The following ACTN2 variants were observed in gnomAD, a reference collection of about 807,000 sequenced individuals.
ACTN2 encodes actinin alpha 2, also known as alpha-actinin-2.
Under a neutral mutation model 113.8 loss-of-function variants are expected in ACTN2, and 39 were observed. The observed-to-expected ratio is 0.34, with a 90% confidence interval of 0.27 to 0.45. ACTN2 has a LOEUF of 0.45. Among genes scored for constraint, ACTN2 ranks in the 20% least tolerant of loss-of-function variants. ACTN2 has a pLI of 1.00. For missense variants in ACTN2, 992 were observed against 1,177.9 expected, an observed-to-expected ratio of 0.84 and a Z score of 2.31; for synonymous variants, 429 against 444.1, an observed-to-expected ratio of 0.97 and a Z score of 0.43.
At chr1:236,719,118 G>A in intron 3 of ACTN2, 105 bp downstream of exon 3, 1 of 1,508,600 alleles carries the variant, frequency 6.6e-7, no homozygotes. Flanking sequence ...ACCATTTACT[G>A]TACCTGCCTT....
intron 1 of ACTN2, among the ~76,000 whole-genome samples, chr1:236,690,589 A>G (rs1666044869): frequency 1.3e-5 from 2 of 152,198 alleles, no homozygotes. Flanking sequence ...AAACTGTTTT[A>G]TGGTGAAGCG....
intron 6 of ACTN2, among the ~76,000 whole-genome samples, chr1:236,728,236 C>T (rs6701949): frequency 2.3e-4 from 34 of 150,658 alleles, no homozygotes; most frequent in African/African-American, 7.8e-4. Flanking sequence ...CTCCGCCTCC[C>T]GGGTTCATGC....
intron 1 of ACTN2, among the ~76,000 whole-genome samples, chr1:236,701,758 T>C (rs566628469): frequency 6.6e-6 from 1 of 152,356 alleles, no homozygotes; most frequent in Non-Finnish European, 1.5e-5. Flanking sequence ...TTTGACAGTA[T>C]GTCTTTTCTG....
At position 236,758,868 on chromosome 1, in the gene ACTN2, G is replaced by T. The variant is rs146785556; in HGVS notation, c.2302-856G>T. On this transcript the variant is annotated intron_variant, in intron 18 of 20. Transcript: ENST00000366578. ...ACTCCTGACCTCAGGTGATCCATCT[G>T]CCTCAGCCTCCCAAAGTGCTGAGCT... Among the ~76,000 whole-genome samples, 410 of 152,154 alleles carry T rather than the reference G, an allele frequency of 2.7e-3. 3 individuals carry two copies. Among genetic ancestry groups the T allele is most frequent in the African/African-American group, 9.3e-3 (387 of 41,518 alleles).
rs751444674 is a variant in ACTN2, at chr1:236,754,486, C to A, written c.1974+405C>A. ...TCAGGGACAGTGGTCTTTAAGTAAC[C>A]CTGTTGTCCTTTGATCACCAAGAAC... On this transcript the variant is annotated intron_variant, in intron 16 of 20. Transcript: ENST00000366578. The surrounding 1 kb of genome is among the most constrained non-coding windows in gnomAD (Gnocchi z 4.9). Among the ~76,000 whole-genome samples, 2 of 152,204 alleles carry A rather than the reference C, an allele frequency of 1.3e-5. No homozygotes were observed. The highest frequency in any genetic ancestry group is 2.9e-5 in the Non-Finnish European group (2 of 68,034).
intron 6 of ACTN2, among the ~76,000 whole-genome samples, chr1:236,729,310 C>A (rs1026339482): frequency 6.6e-6 from 1 of 151,940 alleles, no homozygotes; most frequent in Non-Finnish European, 1.5e-5. Flanking sequence ...GGCGACAGAG[C>A]GAGACTCAGT....
chr1:236,761,441 G>T (rs930250824), intron 20 of ACTN2, among the ~76,000 whole-genome samples: 1 of 150,700 alleles, frequency 6.6e-6, no homozygotes, highest in African/African-American at 2.4e-5. Flanking sequence ...GCGTGTGTGT[G>T]TGTGTGTGTG....
intron 3 of ACTN2, 98 bp downstream of exon 3, chr1:236,719,111 AT>A (rs761746349): frequency 6.5e-7 from 1 of 1,535,552 alleles, no homozygotes; most frequent in Non-Finnish European, 8.9e-7. Context: ...CCCTTTCACC[AT>A]TTACTGTACC....
At chr1:236,710,804 C>T (rs1658002581) in intron 1 of ACTN2, among the ~76,000 whole-genome samples, 1 of 152,152 alleles carries the variant, frequency 6.6e-6, no homozygotes. Flanking sequence ...GAACTGTGTG[C>T]CAGAAATCTA....
intron 4 of ACTN2, among the ~76,000 whole-genome samples, chr1:236,721,417 T>A (rs1658392688): frequency 6.6e-6 from 1 of 152,090 alleles, no homozygotes; most frequent in Non-Finnish European, 1.5e-5. Flanking sequence ...GTACTTGCCC[T>A]TATGGACCTT....
rs1192207318 is a variant in ACTN2, at chr1:236,764,428, C to T, written c.*1809C>T. 1 of 152,114 alleles carries T rather than the reference C, an allele frequency of 6.6e-6. No individual in the cohort carries two copies. The highest frequency in any genetic ancestry group is 2.1e-4 in the South Asian group (1 of 4,822). The allele number at this position is 152,114 out of a possible 1,614,324, so 9.4% of individuals were successfully genotyped here. ...GGTGTGGGTAACTCATCTACCTAAA[C>T]TTTTAATTTCTTTACAACATTCAGC... On this transcript the variant is annotated 3_prime_UTR_variant, in exon 21 of 21. Coordinates refer to ENST00000366578, the MANE Select transcript of ACTN2 (RefSeq NM_001103.4).
chr1:236,727,855 C>T (rs1658599697), intron 6 of ACTN2, 99 bp downstream of exon 6: 3 of 1,165,706 alleles, frequency 2.6e-6, no homozygotes, highest in Admixed American at 1.8e-5. Flanking sequence ...AACCCCAGGG[C>T]CACCTGCAGA....
Position 236,743,470 on chromosome 1 carries a change from G to GAT in ACTN2, c.1255+430_1255+431dup, listed in dbSNP as rs535064393. On this transcript the variant is annotated intron_variant, in intron 11 of 20. Transcript: ENST00000366578. ...AGAAAATCTGGGAGGGAGGATGCAA[G>GAT]ATATCATGTATAATCTAACTTTCTT... is the stretch of plus-strand genomic sequence containing the variant. Among the ~76,000 whole-genome samples, 46 of 152,082 alleles carry GAT rather than the reference G, an allele frequency of 3.0e-4. No homozygotes were observed. In the East Asian group the frequency reaches 3.7e-3, roughly 12 times the overall value.
intron 9 of ACTN2, 101 bp downstream of exon 9, chr1:236,737,315 A>ATATATATATATG (rs1428788821): frequency 1.4e-5 from 4 of 294,996 alleles, no homozygotes; most frequent in African/African-American, 6.9e-5. Flanking sequence ...ATATATATAT[A>ATATATATATATG]TATTTTGCAT....
intron 4 of ACTN2, 59 bp from the exon 5 acceptor site, chr1:236,725,874 G>A (rs888865052): frequency 8.8e-6 from 13 of 1,480,370 alleles, no homozygotes; most frequent in Admixed American, 1.7e-5. Flanking sequence ...AAGTGACTAG[G>A]AGCTAAGTGA....
At chr1:236,687,033 A>T (rs1665898128) in intron 1 of ACTN2, among the ~76,000 whole-genome samples, 2 of 151,538 alleles carry the variant, frequency 1.3e-5, no homozygotes. Context: ...GGAGGTACAG[A>T]TGTGGTTCTG....
At chr1:236,742,621 G>T (rs1364897805) in intron 10 of ACTN2, among the ~76,000 whole-genome samples, 1 of 152,204 alleles carries the variant, frequency 6.6e-6, no homozygotes, top group African/African-American at 2.4e-5. Context: ...GCCAGAAATT[G>T]TCAGCCCTCT....
At position 236,757,492 on chromosome 1, in the gene ACTN2, C is replaced by T. The variant is rs149433837; in HGVS notation, c.2161C>T (p.Arg721Cys). Residue 721 changes from arginine (R) to cysteine (C), a missense_variant, in exon 18 of 21, where the codon CGT (arginine) becomes TGT (cysteine). Transcript: ENST00000366578. The stretch of plus-strand genomic sequence containing the variant: ...TCCCCTTTTCCCTCAATAGCACATT[C>T]GTGTTGGATGGGAGCTGCTGCTGAC... ...KHTNYTMEHIRVGWELLLTTI... is the reference protein window; with the variant it reads ...KHTNYTMEHICVGWELLLTTI... 47 of 1,614,078 alleles carry T rather than the reference C, an allele frequency of 2.9e-5. No homozygotes were observed. Among genetic ancestry groups the T allele is most frequent in the East Asian group, 4.5e-5 (2 of 44,868 alleles).
At chr1:236,712,142 C>T (rs1025685099) in intron 1 of ACTN2, among the ~76,000 whole-genome samples, 2 of 152,156 alleles carry the variant, frequency 1.3e-5, no homozygotes, top group South Asian at 2.1e-4. Flanking sequence ...AAGAAGGCTT[C>T]GGCTCAAATG....
Sources: gnomAD v4.1 joint callset for allele counts (sites outside exome capture counted in the v4.1 genomes callset) on GRCh38, gnomAD v4.1.1 for gene constraint, Gnocchi (gnomAD v3.1) non-coding constraint, MANE v1.5 for transcripts, NCBI Gene and HGNC (gene_info 2026-07-23, HGNC 2026-07-21) for gene names.